The following SETDB1 variants were observed in gnomAD, a reference collection of about 807,000 sequenced individuals.
SETDB1 encodes histone-lysine N-methyltransferase SETDB1.
A neutral mutation model predicts 137.4 loss-of-function variants in SETDB1; 31 were observed. The observed-to-expected ratio is 0.23, with a 90% CI of 0.17 to 0.30. SETDB1 has a LOEUF of 0.30. Among genes scored for constraint, SETDB1 ranks in the 10% least tolerant of loss-of-function variants. The pLI, the probability that SETDB1 is intolerant of heterozygous loss-of-function variation, is 1.00. For missense variants in SETDB1, 1,113 were observed against 1,631.5 expected, an observed-to-expected ratio of 0.68 and a Z score of 5.47; for synonymous variants, 548 against 579.9, an observed-to-expected ratio of 0.95 and a Z score of 0.79.
chr1:150,931,261 C>CAAAAAAAA (rs767694682), intron 3 of SETDB1, among the ~76,000 whole-genome samples: 14 of 67,514 alleles, frequency 2.1e-4, no homozygotes, highest in Admixed American at 4.7e-4. Flanking sequence ...CTCTTGTCTT[C>CAAAAAAAA]AAAAAAAAAA....
chr1:150,964,227 A>G lies in SETDB1; in HGVS notation c.3762-20A>G, dbSNP rs758152550. On this transcript the variant is annotated intron_variant, in intron 21 of 21. Transcript: ENST00000692827. ...TTATCTGCTGTCTTTGCCACACACC[A>G]TCCTTTTCTTCCTCTTCAGAAGAAT... 12 of 1,604,880 alleles carry G rather than the reference A, an allele frequency of 7.5e-6. No individual in the cohort carries two copies. The highest frequency in any genetic ancestry group is 6.7e-5 in the African/African-American group (5 of 74,676).
At chr1:150,946,479 G>A (rs901882745) in intron 9 of SETDB1, among the ~76,000 whole-genome samples, 5 of 150,404 alleles carry the variant, frequency 3.3e-5, no homozygotes, top group South Asian at 4.2e-4. Context: ...ATGGAGTTTC[G>A]CTCCTGTTGC....
rs778443413 is a variant in SETDB1 at position 150,964,408 on chromosome 1, A to T, written c.*44A>T. Reference sequence around the variant, plus strand: ...ACCCTTCTTGAACTGTCGTTTCCTCAGGAACTGGGTCTTCCTGATTGTTGA... The same window carrying T: ...ACCCTTCTTGAACTGTCGTTTCCTCTGGAACTGGGTCTTCCTGATTGTTGA... On this transcript the variant is annotated 3_prime_UTR_variant, in exon 22 of 22. Coordinates refer to ENST00000692827, the MANE Select transcript of SETDB1 (RefSeq NM_001366418.1). 1.1e-5 allele frequency: 15 copies of T among 1,406,276 alleles called. No homozygotes were observed. In the South Asian group the frequency reaches 1.5e-4, roughly 14 times the overall value. 87.1% of individuals were successfully genotyped at this position (1,406,276 alleles called of 1,614,324 possible).
chr1:150,954,835 C>G (rs956310059), intron 14 of SETDB1, among the ~76,000 whole-genome samples: 34 of 152,088 alleles, frequency 2.2e-4, no homozygotes, highest in Non-Finnish European at 1.5e-4. Context: ...TTTCATCATT[C>G]CCCTTCTCAG....
chr1:150,939,251 AT>A (rs71580343), intron 3 of SETDB1, among the ~76,000 whole-genome samples: 7,843 of 107,044 alleles, frequency 0.073, 787 homozygotes, highest in African/African-American at 0.26. Context: ...TGCACCCAGC[AT>A]TTTTTTTTTT....
At chr1:150,929,160 A>G (rs1052519453) in intron 2 of SETDB1, among the ~76,000 whole-genome samples, 1 of 152,120 alleles carries the variant, frequency 6.6e-6, no homozygotes. Context: ...ATCCTTGAGG[A>G]ATCGCCACAC....
chr1:150,962,111 T>G lies in SETDB1; in HGVS notation c.3133-19T>G. Reference sequence around the variant, plus strand: ...CCGAGGCTGTGAAAGCATTTAACCCTTCACTTGTTCTTTTCCAGGACACTG... The same window carrying G: ...CCGAGGCTGTGAAAGCATTTAACCCGTCACTTGTTCTTTTCCAGGACACTG... On this transcript the variant is annotated intron_variant, in intron 16 of 21. Coordinates refer to ENST00000692827, the MANE Select transcript of SETDB1 (RefSeq NM_001366418.1). 6.2e-7 allele frequency: 1 copy of G among 1,614,072 alleles called. No individual in the cohort carries two copies. The highest frequency in any genetic ancestry group is 1.1e-5 in the South Asian group (1 of 91,074).
intron 7 of SETDB1, among the ~76,000 whole-genome samples, chr1:150,943,624 C>T (rs1342656304): frequency 1.3e-5 from 2 of 152,116 alleles, no homozygotes; most frequent in East Asian, 1.9e-4. Context: ...TGCCATGAGC[C>T]GAGATTGCAC....
chr1:150,942,132 T>C, intron 5 of SETDB1, among the ~76,000 whole-genome samples: 2 of 103,682 alleles, frequency 1.9e-5, no homozygotes, highest in South Asian at 3.0e-4. Context: ...AGAACGAGAC[T>C]CCATCTCAAA....
chr1:150,934,725 G>A lies in SETDB1; in HGVS notation c.412+4607G>A, dbSNP rs75406390. 5.1e-4 allele frequency among the ~76,000 whole-genome samples: 77 copies of A among 152,216 alleles called. No individual in the cohort carries two copies. The East Asian group carries it at 0.013, about 26-fold the overall frequency. The stretch of plus-strand genomic sequence containing the variant: ...CTGTGGATCTGAGTTATCATCCAGT[G>A]TCATGTTTTTCCAGCCAGACGGTTT... On this transcript the variant is annotated intron_variant, in intron 3 of 21. Coordinates refer to ENST00000692827, the MANE Select transcript of SETDB1 (RefSeq NM_001366418.1).
At chr1:150,932,886 T>C (rs1013961186) in intron 3 of SETDB1, among the ~76,000 whole-genome samples, 1 of 152,224 alleles carries the variant, frequency 6.6e-6, no homozygotes, top group African/African-American at 2.4e-5. Flanking sequence ...ACTTTTTTTA[T>C]GTTGTGTTTT....
intron 14 of SETDB1, among the ~76,000 whole-genome samples, chr1:150,954,136 G>A (rs1433448793): frequency 6.6e-6 from 1 of 152,144 alleles, no homozygotes; most frequent in Non-Finnish European, 1.5e-5. Flanking sequence ...TTACAGGCGT[G>A]AGCCACCGCG....
At chr1:150,949,038 G>A (rs1181726335) in intron 10 of SETDB1, 84 bp from the exon 11 acceptor site, 3 of 1,339,114 alleles carry the variant, frequency 2.2e-6, no homozygotes, top group Non-Finnish European at 3.1e-6. Context: ...TTTTTATATT[G>A]TATAAGTTAA....
In SETDB1 at chr1:150,963,228, G is replaced by A. The variant is rs1670877581; in HGVS notation, c.3460+89G>A. The A allele has an allele frequency of 3.2e-6, 4 of 1,245,586 alleles. No homozygotes were observed. In the Admixed American group the frequency reaches 8.7e-5, roughly 27 times the overall value. 77.2% of individuals were successfully genotyped at this position (1,245,586 alleles called of 1,614,324 possible). ...TTTAAGGAAGCTAAAGAAGTAGTGG[G>A]TAAAAATTCAGATCCTAAGAATTGG... On this transcript the variant is annotated intron_variant, in intron 19 of 21. Transcript: ENST00000692827.
Position 150,960,989 on chromosome 1 carries a change from C to T in SETDB1, c.2930C>T (p.Thr977Ile), listed in dbSNP as rs764593153. The T allele has an allele frequency of 6.2e-7, 1 of 1,613,972 alleles. No homozygotes were observed. ...GGCNPPSSEE[T>I]PKNKVASWLS... ...TGCAATCCACCTTCCTCCGAAGAGA[C>T]ACCCAAGAACAAGGTGGCCTCATGG... The change falls in exon 16 of 22, where the codon ACA (threonine) becomes ATA (isoleucine). Residue 977 changes from threonine to isoleucine, a missense_variant. This residue lies in a region of SETDB1 where 373 missense variants were observed against 412.7 expected (regional missense o/e 0.90). Coordinates refer to ENST00000692827, the MANE Select transcript of SETDB1 (RefSeq NM_001366418.1).
chr1:150,963,398 C>CT (rs1392431526), intron 19 of SETDB1, 132 bp from the exon 20 acceptor site: 3 of 859,090 alleles, frequency 3.5e-6, no homozygotes, highest in African/African-American at 1.7e-5. Context: ...TACTTAGGAT[C>CT]TTTGAGTTCC....
At position 150,938,917 on chromosome 1, in the gene SETDB1, C is replaced by T. The variant is rs72704690; in HGVS notation, c.413-1023C>T. On this transcript the variant is annotated intron_variant, in intron 3 of 21. Transcript: ENST00000692827. ...TTGAGGCAGGTGAATCACTTGAACC[C>T]GAGAGGCAGAGGTTGCGGTGAGCCT... Among the ~76,000 whole-genome samples the T allele has an allele frequency of 8.0e-3, 1,210 of 151,678 alleles. 8 individuals are homozygous for T. Among genetic ancestry groups the T allele is most frequent in the Non-Finnish European group, 0.014 (927 of 67,912 alleles).
In SETDB1 at chr1:150,949,367, A is replaced by G. The variant is rs1221981283; in HGVS notation, c.1425A>G (p.Glu475=). ...PPLSPQAGDS[E]SLESQLAQSR... is the part of the protein sequence containing the mutation. Reference sequence around the variant, plus strand: ...TATGCCCTCTTCTCTAATCTCCTAGAAGCTTGGAAAGCCAGCTTGCCCAGT... The same window carrying G: ...TATGCCCTCTTCTCTAATCTCCTAGGAGCTTGGAAAGCCAGCTTGCCCAGT... The change falls in exon 12 of 22, where the codon GAA becomes GAG. Residue 475 remains glutamate (E), a splice_region_variant and synonymous_variant. Transcript: ENST00000692827. The G allele has an allele frequency of 6.2e-7, 1 of 1,614,020 alleles. No individual in the cohort carries two copies. The highest frequency in any genetic ancestry group is 1.3e-5 in the African/African-American group (1 of 74,932).
intron 12 of SETDB1, among the ~76,000 whole-genome samples, chr1:150,949,999 C>T (rs1003553014): frequency 8.5e-5 from 13 of 152,072 alleles, no homozygotes; most frequent in East Asian, 1.9e-4. Flanking sequence ...TTTGGGAGGC[C>T]GAGGCGGGTG....
Sources: allele counts gnomAD v4.1 joint callset (sites outside exome capture counted in the v4.1 genomes callset), GRCh38; gene constraint gnomAD v4.1.1; regional missense constraint gnomAD v4.1.1; transcripts MANE v1.5; gene names NCBI Gene and HGNC (gene_info 2026-07-23, HGNC 2026-07-21).